Variants in UBR4 observed in about 807,000 individuals in gnomAD.
The protein encoded by UBR4 is ubiquitin protein ligase E3 component n-recognin 4, also known as E3 ubiquitin-protein ligase UBR4.
Under a neutral mutation model 575.6 loss-of-function variants are expected in UBR4, and 124 were observed. The observed-to-expected ratio is 0.22, with a 90% confidence interval of 0.19 to 0.25. The LOEUF (loss-of-function observed/expected upper bound fraction) is 0.25, where lower values mean the gene tolerates loss of function less well. UBR4 is among the 10% of genes least tolerant of loss of function. The pLI is 1.00. For synonymous variants in UBR4, 2,455 were observed against 2,473.7 expected, an observed-to-expected ratio of 0.99 and a Z score of 0.22; for missense variants, 4,818 against 6,478.8, an observed-to-expected ratio of 0.74 and a Z score of 8.80.
At chr1:19,158,021 A>T in intron 39 of UBR4, 24 bp from the exon 40 acceptor site, 1 of 1,601,002 alleles carries the variant, frequency 6.2e-7, no homozygotes. Flanking sequence ...AAGCAGAGAA[A>T]GTGGGCAGTA....
rs759535228 is a variant in UBR4, at chr1:19,145,924, T to C, written c.7814A>G (p.Asp2605Gly). 4 of 1,613,966 alleles carry C rather than the reference T, an allele frequency of 2.5e-6. No individual in the cohort carries two copies. The highest frequency in any genetic ancestry group is 8.5e-7 in the Non-Finnish European group (1 of 1,179,962). Residue 2605 changes from aspartate (D) to glycine (G), a missense_variant, in exon 53 of 106, where the codon GAT becomes GGT. Coordinates refer to ENST00000375254, the MANE Select transcript of UBR4 (RefSeq NM_020765.3). ...CTGCTTCTGCGGTTCCTTCCCTTCA[T>C]CCATTCCTTCTAAGCAGGAGAAAGA... ...KLPQMETEGM[D>G]EGKEPQKQLE...
intron 60 of UBR4, among the ~76,000 whole-genome samples, chr1:19,132,151 G>C (rs941828494): frequency 1.3e-5 from 2 of 152,066 alleles, no homozygotes; most frequent in Non-Finnish European, 2.9e-5. Flanking sequence ...TGGAATTTTA[G>C]AGAAAAATAT....
In UBR4 at chr1:19,141,686, C is replaced by T. The variant is rs1387020624; in HGVS notation, c.8271G>A (p.Gln2757=). The T allele has an allele frequency of 6.2e-7, 1 of 1,614,242 alleles. No homozygotes were observed. The highest frequency in any genetic ancestry group is 8.5e-7 in the Non-Finnish European group (1 of 1,180,036). The part of the protein sequence containing the change: ...PNGGHIRQES[Q]EQSEVDHGDF... The stretch of plus-strand genomic sequence containing the variant: ...CTCCATGGTCCACCTCACTCTGTTC[C>T]TGGCTTTCCTGACGGATGTGACCAC... Residue 2757 remains glutamine (Q), a synonymous_variant, in exon 56 of 106, where the codon CAG becomes CAA. Coordinates refer to ENST00000375254, the MANE Select transcript of UBR4 (RefSeq NM_020765.3).
intron 2 of UBR4, among the ~76,000 whole-genome samples, chr1:19,201,004 C>T (rs962632981): frequency 2.0e-5 from 3 of 152,072 alleles, no homozygotes; most frequent in Non-Finnish European, 4.4e-5. Flanking sequence ...GGCTTGGTGG[C>T]TTGTGCCTGT....
intron 90 of UBR4, among the ~76,000 whole-genome samples, chr1:19,099,030 A>T (rs560967324): frequency 3.9e-5 from 6 of 152,196 alleles, no homozygotes; most frequent in Non-Finnish European, 8.8e-5. Flanking sequence ...GGACCATCTA[A>T]TACTTCCATA....
At chr1:19,121,629 C>A (rs1445448381) in intron 67 of UBR4, among the ~76,000 whole-genome samples, 195 bp from the exon 68 acceptor site, 1 of 152,220 alleles carries the variant, frequency 6.6e-6, no homozygotes, top group Non-Finnish European at 1.5e-5. Flanking sequence ...TACACACCGA[C>A]CAGAGCCCCC....
At chr1:19,176,070 A>G (rs2090220772) in intron 20 of UBR4, among the ~76,000 whole-genome samples, 1 of 150,806 alleles carries the variant, frequency 6.6e-6, no homozygotes, top group African/African-American at 2.4e-5. Context: ...TACAGGCATG[A>G]GCCACCATGC....
intron 14 of UBR4, 24 bp from the exon 15 acceptor site, chr1:19,185,310 C>T (rs373706141): frequency 8.7e-6 from 13 of 1,498,594 alleles, no homozygotes; most frequent in East Asian, 2.4e-5. Context: ...GATAAAGTAA[C>T]GAAAATAAAT....
Position 19,144,299 on chromosome 1 carries a change from G to A in UBR4, c.8068-208C>T, listed in dbSNP as rs144906577. 3.1e-3 allele frequency among the ~76,000 whole-genome samples: 476 copies of A among 152,310 alleles called. 1 individual carries two copies. The highest frequency in any genetic ancestry group is 0.011 in the African/African-American group (459 of 41,568). ...ATTAAGAGCCATTCGCTAACCTCCT[G>A]TCTCTCAGTTCCTGGGGATGGACTG... On this transcript the variant is annotated intron_variant, in intron 54 of 105. Coordinates refer to ENST00000375254, the MANE Select transcript of UBR4 (RefSeq NM_020765.3).
intron 41 of UBR4, 72 bp from the exon 42 acceptor site, chr1:19,156,495 G>A (rs1435812381): frequency 6.5e-7 from 1 of 1,545,964 alleles, no homozygotes; most frequent in African/African-American, 1.4e-5. Context: ...TCAGAGTAAT[G>A]ACGTTCCCTT....
At position 19,115,744 on chromosome 1, in the gene UBR4, G is replaced by A. The variant is rs1188048524; in HGVS notation, c.10824-107C>T. The A allele has an allele frequency of 3.0e-5, 45 of 1,497,936 alleles. No individual in the cohort carries two copies. In the Admixed American group the frequency reaches 8.4e-4, roughly 28 times the overall value. 92.8% of individuals were successfully genotyped at this position (1,497,936 alleles called of 1,614,324 possible). A position where few individuals can be genotyped will look rare whatever the true frequency, so the allele number is the denominator to read the frequency against. On this transcript the variant is annotated intron_variant, in intron 73 of 105. Transcript: ENST00000375254. Reference sequence around the variant, plus strand: ...CCATGTATTTTTCTAAGGCAATTAAGTGGTTACTCTAAGGAAAAGAAATCT... The same window carrying A: ...CCATGTATTTTTCTAAGGCAATTAAATGGTTACTCTAAGGAAAAGAAATCT...
rs374933197 is a variant in UBR4, at chr1:19,113,928, T to C, written c.11328+17A>G. ...ACCCAAGCCCTTATCCAAATGCCCT[T>C]TGCAGCGTGGGACTACCTGTGGCTT... On this transcript the variant is annotated intron_variant, in intron 76 of 105. Transcript: ENST00000375254. The C allele has an allele frequency of 5.0e-6, 8 of 1,614,098 alleles. No individual in the cohort carries two copies. Among genetic ancestry groups the C allele is most frequent in the African/African-American group, 1.3e-5 (1 of 74,928 alleles).
At position 19,153,292 on chromosome 1, in the gene UBR4, G is replaced by A; in HGVS notation, c.6832+9C>T. On this transcript the variant is annotated intron_variant, in intron 46 of 105. Transcript: ENST00000375254. The surrounding 1 kb of genome is among the most constrained non-coding windows in gnomAD (Gnocchi z 4.1). ...ACTCCCCCACAAGTCATCTGAGAAGGAGCCTTACTGATTGTAGCTGTTTTG... is the reference window on the plus strand; with the variant it reads ...ACTCCCCCACAAGTCATCTGAGAAGAAGCCTTACTGATTGTAGCTGTTTTG... 1 of 1,614,040 alleles carries A rather than the reference G, an allele frequency of 6.2e-7. No individual in the cohort carries two copies. Among genetic ancestry groups the A allele is most frequent in the Non-Finnish European group, 8.5e-7 (1 of 1,179,974 alleles).
intron 1 of UBR4, among the ~76,000 whole-genome samples, chr1:19,206,029 A>G (rs2092989494): frequency 6.6e-6 from 1 of 152,272 alleles, no homozygotes; most frequent in South Asian, 2.1e-4. Flanking sequence ...AGAGAAGGCT[A>G]CATTCAGCAA....
At chr1:19,114,724 G>C in intron 75 of UBR4, 87 bp downstream of exon 75, 1 of 1,527,160 alleles carries the variant, frequency 6.5e-7, no homozygotes, top group South Asian at 1.2e-5. Context: ...GCTTAGGCTA[G>C]AAAGTAAAGT....
intron 34 of UBR4, 30 bp from the exon 35 acceptor site, chr1:19,162,641 A>T: frequency 6.3e-7 from 1 of 1,588,080 alleles, no homozygotes; most frequent in Non-Finnish European, 8.6e-7. Context: ...GCAACTTCAG[A>T]TTCTCCATGT....
rs552401743 is a variant in UBR4, at chr1:19,118,279, AAC to A, written c.10542-371_10542-370del. 2.6e-3 allele frequency: 468 copies of A among 179,028 alleles called. 1 individual carries two copies. The highest frequency in any genetic ancestry group is 0.011 in the African/African-American group (453 of 42,116). 11.1% of individuals were successfully genotyped at this position (179,028 alleles called of 1,614,324 possible). ...AAGTTTTTTTAAATTTTTTTTAAAG[AAC>A]AGTCACTACTAAACCAGAGAAATAA... On this transcript the variant is annotated intron_variant, in intron 71 of 105. Transcript: ENST00000375254.
Position 19,205,677 on chromosome 1 carries a change from G to GCAT in UBR4, c.177-3865_177-3863dup, listed in dbSNP as rs1351241385. The stretch of plus-strand genomic sequence containing the variant: ...TTTCCTGTAGGTCAATTATCAATTT[G>GCAT]CATCCTACTGCTTACAAATTCAAAA... On this transcript the variant is annotated intron_variant, in intron 1 of 105. Transcript: ENST00000375254. Among the ~76,000 whole-genome samples the GCAT allele has an allele frequency of 1.7e-4, 25 of 143,300 alleles. No individual in the cohort carries two copies. The East Asian group carries it at 4.3e-3, about 25-fold the overall frequency. The allele number at this position is 143,300 out of a possible 152,430, so 94.0% of individuals were successfully genotyped here. A position where few individuals can be genotyped will look rare whatever the true frequency, so the allele number is the denominator to read the frequency against.
At position 19,089,742 on chromosome 1, in the gene UBR4, A is replaced by C. The variant is rs2077338798; in HGVS notation, c.14212-765T>G. On this transcript the variant is annotated intron_variant, in intron 97 of 105. Coordinates refer to ENST00000375254, the MANE Select transcript of UBR4 (RefSeq NM_020765.3). This position sits in a 1 kb window ranked among gnomAD's most constrained non-coding sequence, Gnocchi z 4.3. ...TGACAGCAATGATTACATATGAGACAACAGGCTGAAAATAACACAGCCAGC... is the reference window on the plus strand; with the variant it reads ...TGACAGCAATGATTACATATGAGACCACAGGCTGAAAATAACACAGCCAGC... 6.6e-6 allele frequency among the ~76,000 whole-genome samples: 1 copy of C among 152,232 alleles called. No individual in the cohort carries two copies. Among genetic ancestry groups the C allele is most frequent in the Admixed American group, 6.5e-5 (1 of 15,284 alleles).
Sources: gnomAD v4.1 joint callset for allele counts (sites outside exome capture counted in the v4.1 genomes callset) on GRCh38, gnomAD v4.1.1 for gene constraint, Gnocchi (gnomAD v3.1) non-coding constraint, MANE v1.5 for transcripts, NCBI Gene and HGNC (gene_info 2026-07-23, HGNC 2026-07-21) for gene names.